Variants in CHN2 observed in about 807,000 individuals in gnomAD.
CHN2 encodes the protein beta-chimaerin.
In CHN2, 35 loss-of-function variants were observed where a neutral mutation model predicts 56.3. That is an observed-to-expected ratio of 0.62 (90% CI 0.47 to 0.82). CHN2 has a LOEUF of 0.82. CHN2 is among the 40% of genes least tolerant of loss of function. The pLI is 0.00. For synonymous variants in CHN2, 210 were observed against 212.8 expected (o/e 0.99, Z 0.12); for missense variants, 491 against 580.5 (o/e 0.85, Z 1.58).
chr7:29,305,248 T>C (rs1418761892), intron 1 of CHN2, among the ~76,000 whole-genome samples: 1 of 152,172 alleles, frequency 6.6e-6, no homozygotes, highest in Non-Finnish European at 1.5e-5. Flanking sequence ...AGAGTGTTTA[T>C]AAGGTTTCAA....
At chr7:29,252,187 A>T (rs1584870807) in intron 1 of CHN2, among the ~76,000 whole-genome samples, 9 of 113,890 alleles carry the variant, frequency 7.9e-5, no homozygotes, top group South Asian at 2.9e-4. Flanking sequence ...ATTATACAGG[A>T]TTTTTTTTTT....
chr7:29,271,714 T>C (rs1367148835), intron 1 of CHN2, among the ~76,000 whole-genome samples: 2 of 152,220 alleles, frequency 1.3e-5, no homozygotes, highest in Non-Finnish European at 2.9e-5. Flanking sequence ...AGGGCTTTCA[T>C]TTTACTGCTT....
rs1311635608 is a variant in CHN2 at position 29,182,170 on chromosome 7, C to G, written c.274+35210C>G. Among the ~76,000 whole-genome samples the G allele has an allele frequency of 3.3e-5, 5 of 152,184 alleles. No homozygotes were observed. In the East Asian group the frequency reaches 9.6e-4, roughly 29 times the overall value. On this transcript the variant is annotated intron_variant, in intron 2 of 6. Transcript: ENST00000439384. ...TAATGAAAACCTGCAAATGCATATGCAAATGAACTGAACTTCTATTATAAG... is the reference window on the plus strand; with the variant it reads ...TAATGAAAACCTGCAAATGCATATGGAAATGAACTGAACTTCTATTATAAG...
At chr7:29,194,688 A>AC, upstream of CHN2, 1 of 382,530 alleles carries the variant, frequency 2.6e-6, no homozygotes, top group African/African-American at 2.1e-5. Context: ...GCTCCCACCT[A>AC]CCCCCTGACA....
At chr7:29,441,093 A>T (rs1585402921) in intron 6 of CHN2, among the ~76,000 whole-genome samples, 1 of 152,308 alleles carries the variant, frequency 6.6e-6, no homozygotes, top group East Asian at 1.9e-4. Context: ...TGGGGAGGTG[A>T]TAATCAAAGT....
chr7:29,274,026 A>G (rs890485162), intron 1 of CHN2, among the ~76,000 whole-genome samples: 2 of 152,178 alleles, frequency 1.3e-5, no homozygotes, highest in Non-Finnish European at 2.9e-5. Flanking sequence ...TCTGTGTTTA[A>G]TATGTGGCCA....
chr7:29,164,922 T>C (rs11972001), intron 2 of CHN2, among the ~76,000 whole-genome samples: 25,101 of 152,096 alleles, frequency 0.17, 2,390 homozygotes, highest in African/African-American at 0.25. Context: ...ATCATTATGA[T>C]AATACCACAC....
intron 1 of CHN2, among the ~76,000 whole-genome samples, chr7:29,240,892 C>A (rs960881482): frequency 6.6e-6 from 1 of 151,552 alleles, no homozygotes; most frequent in Admixed American, 6.6e-5. Flanking sequence ...CTTCCTTCTT[C>A]TTCCTTCTTT....
At chr7:29,393,940 A>G (rs1374146006) in intron 4 of CHN2, among the ~76,000 whole-genome samples, 1 of 152,158 alleles carries the variant, frequency 6.6e-6, no homozygotes, top group African/African-American at 2.4e-5. Context: ...TTTTCCCTCC[A>G]CAAAAGAGCT....
chr7:29,213,559 C>CAAGT (rs1299470582), intron 1 of CHN2, among the ~76,000 whole-genome samples: 3 of 152,144 alleles, frequency 2.0e-5, no homozygotes, highest in African/African-American at 7.2e-5. Flanking sequence ...ATAAGAAATA[C>CAAGT]AAGTACAAAT....
rs1797722171 is a variant in CHN2, at chr7:29,178,977, G to A, written c.274+32017G>A. On this transcript the variant is annotated intron_variant, in intron 2 of 6. Coordinates refer to the CHN2 transcript ENST00000439384. ...TCCAGGCAGGACCCCACCTACCAGA[G>A]CTAACCAGCATTTGCACCTCCTCAG... Among the ~76,000 whole-genome samples, 3 of 152,246 alleles carry A rather than the reference G, an allele frequency of 2.0e-5. No homozygotes were observed. The South Asian group carries it at 6.2e-4, about 32-fold the overall frequency.
In CHN2 at chr7:29,349,760, A is replaced by ATTG. The variant is rs371487305; in HGVS notation, c.50-4862_50-4860dup. Among the ~76,000 whole-genome samples the ATTG allele has an allele frequency of 7.5e-4, 114 of 152,308 alleles. 1 individual carries two copies. Among genetic ancestry groups the ATTG allele is most frequent in the African/African-American group, 2.6e-3 (108 of 41,574 alleles). ...TAAGCCTCTTTGATCTTTATAATTC[A>ATTG]TTGTTCCTTTCTAAAAATATATAAC... On this transcript the variant is annotated intron_variant, in intron 1 of 12. Transcript: ENST00000222792.
intron 1 of CHN2, among the ~76,000 whole-genome samples, chr7:29,302,264 TCCCTCTTCTTCC>T (rs975661176): frequency 2.9e-5 from 3 of 104,860 alleles, no homozygotes; most frequent in African/African-American, 1.3e-4. Flanking sequence ...CTGCTGCTTC[TCCCTCTTCTTCC>T]TCCTCTTCTT....
chr7:29,496,062 C>T, intron 8 of CHN2, 26 bp downstream of exon 8: 1 of 1,574,114 alleles, frequency 6.4e-7, no homozygotes. Flanking sequence ...TCTTCTTTTC[C>T]AATTATATGA....
intron 2 of CHN2, among the ~76,000 whole-genome samples, chr7:29,174,755 G>A (rs1423331615): frequency 6.6e-6 from 1 of 151,944 alleles, no homozygotes; most frequent in Non-Finnish European, 1.5e-5. Flanking sequence ...AGCTACTTGG[G>A]AGGCTGAGGC....
chr7:29,495,186 G>C (rs1049750251), intron 7 of CHN2, among the ~76,000 whole-genome samples: 1 of 151,916 alleles, frequency 6.6e-6, no homozygotes, highest in African/African-American at 2.4e-5. Flanking sequence ...GCTTTGTTTT[G>C]TTTTCATTTT....
intron 9 of CHN2, among the ~76,000 whole-genome samples, chr7:29,502,627 C>T (rs1790090884): frequency 6.6e-6 from 1 of 152,142 alleles, no homozygotes; most frequent in South Asian, 2.1e-4. Context: ...AAAAGCATCT[C>T]GATGTAATAC....
intron 7 of CHN2, among the ~76,000 whole-genome samples, chr7:29,486,636 C>G (rs1788038820): frequency 6.6e-6 from 1 of 152,094 alleles, no homozygotes; most frequent in Non-Finnish European, 1.5e-5. Flanking sequence ...GGTTGCCCTA[C>G]TTACTCTTAT....
intron 7 of CHN2, among the ~76,000 whole-genome samples, chr7:29,494,950 T>TAA (rs5883217): frequency 0.09 from 5,789 of 64,562 alleles, 436 homozygotes; most frequent in South Asian, 0.14. Context: ...AAGCAGTTTG[T>TAA]AAAAAAAAAA....
Sources: allele counts gnomAD v4.1 joint callset (sites outside exome capture counted in the v4.1 genomes callset), GRCh38; gene constraint gnomAD v4.1.1; transcripts MANE v1.5; gene names NCBI Gene and HGNC (gene_info 2026-07-23, HGNC 2026-07-21).